The following CLYBL variants were observed in gnomAD, a reference collection of about 807,000 sequenced individuals.
The protein encoded by CLYBL is citramalyl-CoA lyase, mitochondrial.
Under a neutral mutation model 38.9 loss-of-function variants are expected in CLYBL, and 31 were observed. That is an observed-to-expected ratio of 0.80 (90% CI 0.60 to 1.08). The LOEUF is 1.08. Ranked by LOEUF, CLYBL falls within the 50% of genes least tolerant of loss-of-function variation. The pLI, the probability that CLYBL is intolerant of heterozygous loss-of-function variation, is 0.00. For missense variants in CLYBL, 434 were observed against 411.6 expected (o/e 1.05, Z -0.47); for synonymous variants, 171 against 158.6 (o/e 1.08, Z -0.59).
intron 1 of CLYBL, chr13:99,726,708 G>A (rs1242715931): frequency 6.6e-6 from 1 of 152,310 alleles, no homozygotes; most frequent in African/African-American, 2.4e-5. Context: ...GTCCCCCCAT[G>A]AGCGCCCCTC....
chr13:99,643,882 G>A (rs533802280), intron 1 of CLYBL, among the ~76,000 whole-genome samples: 16 of 151,912 alleles, frequency 1.1e-4, no homozygotes, highest in South Asian at 4.2e-4. Context: ...GGCGGCGCCT[G>A]TAATCCCAAC....
chr13:99,802,571 G>C (rs556589210), intron 2 of CLYBL, among the ~76,000 whole-genome samples: 3 of 152,264 alleles, frequency 2.0e-5, no homozygotes, highest in African/African-American at 7.2e-5. Flanking sequence ...CCTCTCACCA[G>C]TGCAGTACAC....
At chr13:99,701,404 G>A (rs1031626470) in intron 1 of CLYBL, among the ~76,000 whole-genome samples, 3 of 151,878 alleles carry the variant, frequency 2.0e-5, no homozygotes, top group South Asian at 2.1e-4. Context: ...TCCGCCTCCC[G>A]GGTTCACACT....
downstream of CLYBL, chr13:99,895,228 G>A (rs974987120): frequency 2.0e-5 from 3 of 151,830 alleles, no homozygotes; most frequent in African/African-American, 4.8e-5. Context: ...ATGATGCCAC[G>A]AGGAGAAAAA....
chr13:99,770,101 A>C (rs1382859164), intron 1 of CLYBL, among the ~76,000 whole-genome samples: 1 of 116,156 alleles, frequency 8.6e-6, no homozygotes, highest in Non-Finnish European at 1.7e-5. Context: ...TTTTTTTGAG[A>C]TGGAGTCTCG....
At chr13:99,872,213 C>T (rs1358530621) in intron 7 of CLYBL, among the ~76,000 whole-genome samples, 2 of 152,164 alleles carry the variant, frequency 1.3e-5, no homozygotes, top group Non-Finnish European at 2.9e-5. Context: ...GCAGGCTCAT[C>T]TTTGTACAAA....
At chr13:99,785,523 T>TC (rs1190919256) in intron 2 of CLYBL, among the ~76,000 whole-genome samples, 1 of 151,982 alleles carries the variant, frequency 6.6e-6, no homozygotes, top group Non-Finnish European at 1.5e-5. Flanking sequence ...CATTATTGTT[T>TC]CCCCCTTTCC....
At chr13:99,907,906 C>T (rs1412199750) in intron 9 of CLYBL, among the ~76,000 whole-genome samples, 1 of 152,148 alleles carries the variant, frequency 6.6e-6, no homozygotes, top group Admixed American at 6.5e-5. Context: ...GGTGCCAAGA[C>T]TTTGGGCATG....
At chr13:99,634,439 C>G (rs890786500) in intron 1 of CLYBL, among the ~76,000 whole-genome samples, 3 of 152,008 alleles carry the variant, frequency 2.0e-5, no homozygotes, top group Non-Finnish European at 4.4e-5. Context: ...AGAAAATAAT[C>G]AGATAGATCC....
intron 1 of CLYBL, among the ~76,000 whole-genome samples, chr13:99,761,627 T>C (rs1279249206): frequency 6.6e-6 from 1 of 152,246 alleles, no homozygotes; most frequent in Non-Finnish European, 1.5e-5. Context: ...GCAGTGAACA[T>C]AGGAGTGAAC....
intron 1 of CLYBL, among the ~76,000 whole-genome samples, chr13:99,769,829 A>C (rs1467322298): frequency 6.6e-6 from 1 of 152,104 alleles, no homozygotes; most frequent in Non-Finnish European, 1.5e-5. Context: ...AGAAGGAATG[A>C]GGGCCCCCAC....
intron 1 of CLYBL, among the ~76,000 whole-genome samples, chr13:99,685,614 G>C (rs1293206325): frequency 1.3e-5 from 2 of 152,146 alleles, no homozygotes; most frequent in African/African-American, 4.8e-5. Flanking sequence ...TGAGGGGTTT[G>C]TTCCCAGTGG....
At position 99,630,143 on chromosome 13, in the gene CLYBL, C is replaced by T. The variant is rs1477960062; in HGVS notation, c.62+23386C>T. On this transcript the variant is annotated intron_variant, in intron 1 of 8. Coordinates refer to ENST00000339105, the MANE Select transcript of CLYBL (RefSeq NM_206808.5). ...TTTTCTCATCTAGCAGAAGCACATT[C>T]GATACTGGATACAAAGCCCCATCTT... Among the ~76,000 whole-genome samples, 8 of 152,204 alleles carry T rather than the reference C, an allele frequency of 5.3e-5. No homozygotes were observed. In the East Asian group the frequency reaches 9.6e-4, roughly 18 times the overall value.
chr13:99,864,739 T>C (rs903539923), intron 4 of CLYBL, 79 bp from the exon 5 acceptor site: 6 of 944,408 alleles, frequency 6.4e-6, no homozygotes, highest in Admixed American at 5.7e-5. Context: ...CAGGTCGTCC[T>C]GTTACTGAAA....
intron 1 of CLYBL, among the ~76,000 whole-genome samples, chr13:99,628,358 T>C (rs1376816357): frequency 6.6e-6 from 1 of 152,238 alleles, no homozygotes; most frequent in Non-Finnish European, 1.5e-5. Context: ...TCGGTTTCTT[T>C]AAGTGATATA....
At chr13:99,738,868 C>T (rs1251067554) in intron 1 of CLYBL, among the ~76,000 whole-genome samples, 16 of 152,092 alleles carry the variant, frequency 1.1e-4, no homozygotes, top group Admixed American at 9.2e-4. Flanking sequence ...TACTGCACAG[C>T]GTTCCCTGAC....
intron 1 of CLYBL, chr13:99,642,928 T>G (rs555298746): frequency 1.3e-5 from 2 of 153,008 alleles, no homozygotes; most frequent in African/African-American, 4.8e-5. Context: ...CTGGCTAATT[T>G]TTTATTTTTT....
At chr13:99,633,769 A>G (rs1330863259) in intron 1 of CLYBL, among the ~76,000 whole-genome samples, 1 of 152,216 alleles carries the variant, frequency 6.6e-6, no homozygotes, top group Non-Finnish European at 1.5e-5. Context: ...TGAACTAAAT[A>G]GAAATTTTTA....
intron 1 of CLYBL, among the ~76,000 whole-genome samples, chr13:99,726,781 C>G (rs971460026): frequency 6.6e-6 from 1 of 151,666 alleles, no homozygotes; most frequent in Non-Finnish European, 1.5e-5. Flanking sequence ...ATTCTCATTT[C>G]CTTCATGTAT....
Sources: allele counts gnomAD v4.1 joint callset (sites outside exome capture counted in the v4.1 genomes callset), GRCh38; gene constraint gnomAD v4.1.1; transcripts MANE v1.5; gene names NCBI Gene and HGNC (gene_info 2026-07-23, HGNC 2026-07-21).